Variants in ADNP2 observed in about 807,000 individuals in gnomAD.
ADNP2 encodes the protein ADNP homeobox 2.
In ADNP2, 8 loss-of-function variants were observed where a neutral mutation model predicts 16.4. The observed-to-expected ratio is 0.49, with a 90% confidence interval of 0.29 to 0.88. The LOEUF (loss-of-function observed/expected upper bound fraction) is 0.88. Ranked by LOEUF, ADNP2 falls within the 40% of genes least tolerant of loss-of-function variation. The pLI, the probability that ADNP2 is intolerant of heterozygous loss-of-function variation, is 0.09. For synonymous variants in ADNP2, 637 were observed against 545.8 expected, an observed-to-expected ratio of 1.17 and a Z score of -2.33; for missense variants, 1,397 against 1,395.1, an observed-to-expected ratio of 1.00 and a Z score of -0.02.
Position 80,136,014 on chromosome 18 carries a change from A to C in ADNP2, c.601A>C (p.Asn201His), listed in dbSNP as rs758595034. ...GGAAATGGGTGAGCAACCGAAAACT[A>C]ACGATACTGTTTCTATAGAGAAGAT... ...TEEMGEQPKTNDTVSIEKIPP... is the reference protein window; with the variant it reads ...TEEMGEQPKTHDTVSIEKIPP... The change falls in exon 4 of 4, where the codon AAC becomes CAC. Residue 201 changes from asparagine (N) to histidine (H), a missense_variant. Physicochemically the swap from Asn to His is moderately conservative, Grantham distance 68. This residue lies in a region of ADNP2 where 777 missense variants were observed against 719.4 expected (regional missense o/e 1.08). Transcript: ENST00000262198. 6.2e-7 allele frequency: 1 copy of C among 1,614,250 alleles called. No individual in the cohort carries two copies. The highest frequency in any genetic ancestry group is 8.5e-7 in the Non-Finnish European group (1 of 1,180,036).
intron 3 of ADNP2, among the ~76,000 whole-genome samples, chr18:80,134,124 A>T (rs2052515943): frequency 1.3e-5 from 2 of 152,098 alleles, no homozygotes; most frequent in Admixed American, 1.3e-4. Flanking sequence ...GTTCTCCTCC[A>T]CCTGAGCACA....
At position 80,138,321 on chromosome 18, in the gene ADNP2, C is replaced by G. The variant is rs994411076; in HGVS notation, c.2908C>G (p.His970Asp). Residue 970 changes from histidine to aspartate, a missense_variant, in exon 4 of 4, where the codon CAT (histidine) becomes GAT (aspartate). His to Asp is a moderately conservative substitution (Grantham distance 81). This residue lies in a region of ADNP2 where 611 missense variants were observed against 648.7 expected (regional missense o/e 0.94). Coordinates refer to ENST00000262198, the MANE Select transcript of ADNP2 (RefSeq NM_014913.4). ...ELLLVSGEVM[H>D]DSSFSVKRKL... ...GCTTTTAGTCAGTGGTGAAGTGATG[C>G]ATGATTCCAGTTTTTCTGTTAAGAG... The G allele has an allele frequency of 6.8e-6, 11 of 1,614,136 alleles. No homozygotes were observed. The highest frequency in any genetic ancestry group is 8.5e-6 in the Non-Finnish European group (10 of 1,180,042).
chr18:80,119,280 A>G (rs2052409097), intron 2 of ADNP2, among the ~76,000 whole-genome samples: 1 of 151,986 alleles, frequency 6.6e-6, no homozygotes. Flanking sequence ...AATTTACACA[A>G]AAGGAGATTT....
At chr18:80,135,077 T>C (rs1042042829) in intron 3 of ADNP2, among the ~76,000 whole-genome samples, 3 of 152,156 alleles carry the variant, frequency 2.0e-5, no homozygotes, top group African/African-American at 4.8e-5. Context: ...AATGAAGCTT[T>C]TAAAATTGAT....
intron 2 of ADNP2, among the ~76,000 whole-genome samples, chr18:80,121,123 A>G (rs1238706197): frequency 6.6e-6 from 1 of 152,184 alleles, no homozygotes; most frequent in Non-Finnish European, 1.5e-5. Flanking sequence ...AAATCTGTTC[A>G]CATCATTACC....
At chr18:80,120,158 G>C (rs751899081) in intron 2 of ADNP2, among the ~76,000 whole-genome samples, 1 of 152,130 alleles carries the variant, frequency 6.6e-6, no homozygotes, top group African/African-American at 2.4e-5. Flanking sequence ...CGAGCCCTTG[G>C]CATATGCTCC....
rs1393479988 is a variant in ADNP2, at chr18:80,135,779, G to T, written c.366G>T (p.Arg122Ser). The T allele has an allele frequency of 2.5e-6, 4 of 1,614,202 alleles. No individual in the cohort carries two copies. The highest frequency in any genetic ancestry group is 3.4e-6 in the Non-Finnish European group (4 of 1,180,046). ...VFASQPKVVGRHFRMFHAPVR... is the reference protein window; with the variant it reads ...VFASQPKVVGSHFRMFHAPVR... ...CATCTCAGCCCAAAGTTGTGGGAAG[G>T]CACTTCAGAATGTTCCATGCACCTG... is the stretch of plus-strand genomic sequence containing the variant. The change falls in exon 4 of 4, where the codon AGG (arginine) becomes AGT (serine). Residue 122 changes from arginine (R) to serine (S), a missense_variant. Coordinates refer to ENST00000262198, the MANE Select transcript of ADNP2 (RefSeq NM_014913.4).
intron 2 of ADNP2, among the ~76,000 whole-genome samples, chr18:80,128,687 TG>T (rs1387357104): frequency 1.3e-5 from 2 of 152,164 alleles, no homozygotes; most frequent in South Asian, 4.1e-4. Flanking sequence ...AAGAAATATT[TG>T]TAATAACTTG....
At chr18:80,120,864 A>G (rs2052420161) in intron 2 of ADNP2, among the ~76,000 whole-genome samples, 3 of 152,160 alleles carry the variant, frequency 2.0e-5, no homozygotes. Flanking sequence ...CATGTTGGCC[A>G]GGATAGTCTC....
chr18:80,124,718 C>T (rs1395081581), intron 2 of ADNP2, among the ~76,000 whole-genome samples: 1 of 152,174 alleles, frequency 6.6e-6, no homozygotes, highest in Non-Finnish European at 1.5e-5. Flanking sequence ...CTAAACTTGC[C>T]TTGGTGATAA....
At chr18:80,132,692 C>T (rs1010081656) in intron 2 of ADNP2, among the ~76,000 whole-genome samples, 18 of 147,386 alleles carry the variant, frequency 1.2e-4, no homozygotes, top group Non-Finnish European at 2.4e-4. Flanking sequence ...TCTCTCCTCT[C>T]CCCTCCCCTC....
At chr18:80,122,371 C>G (rs2052430465) in intron 2 of ADNP2, among the ~76,000 whole-genome samples, 1 of 152,140 alleles carries the variant, frequency 6.6e-6, no homozygotes, top group African/African-American at 2.4e-5. Flanking sequence ...ATAGACTTTT[C>G]CATTTCTGCA....
chr18:80,128,380 G>A (rs557609830), intron 2 of ADNP2, among the ~76,000 whole-genome samples: 6 of 152,266 alleles, frequency 3.9e-5, no homozygotes, highest in Admixed American at 1.3e-4. Flanking sequence ...GGCCAGGTGC[G>A]GTGGCTCATA....
Position 80,137,900 on chromosome 18 carries a change from G to A in ADNP2, c.2487G>A (p.Leu829=). The stretch of plus-strand genomic sequence containing the variant: ...CCCACCTTGATTTCATCACCATATT[G>A]CCAAAGGAGAAGCTTGGGGAGCGGG... ...LFPHLDFITI[L]PKEKLGEREV... is the part of the protein sequence containing the mutation. Residue 829 remains leucine, a synonymous_variant, in exon 4 of 4, where the codon TTG becomes TTA. Coordinates refer to ENST00000262198, the MANE Select transcript of ADNP2 (RefSeq NM_014913.4). The surrounding 1 kb of genome is among the most constrained non-coding windows in gnomAD (Gnocchi z 4.2). 6.2e-7 allele frequency: 1 copy of A among 1,613,900 alleles called. No homozygotes were observed. The highest frequency in any genetic ancestry group is 8.5e-7 in the Non-Finnish European group (1 of 1,180,024).
rs767953359 is a variant in ADNP2 at position 80,137,720 on chromosome 18, C to T, written c.2307C>T (p.Gly769=). 1 of 1,614,162 alleles carries T rather than the reference C, an allele frequency of 6.2e-7. No individual in the cohort carries two copies. The highest frequency in any genetic ancestry group is 8.5e-7 in the Non-Finnish European group (1 of 1,180,040). ...EELIHHLLMH[G]LGCLFCPCTF... ...TTATACACCACTTGCTGATGCATGGCTTGGGGTGCTTGTTCTGTCCATGCA... is the reference window on the plus strand; with the variant it reads ...TTATACACCACTTGCTGATGCATGGTTTGGGGTGCTTGTTCTGTCCATGCA... The change falls in exon 4 of 4, where the codon GGC becomes GGT. Residue 769 remains glycine (G), a synonymous_variant. Transcript: ENST00000262198. This position sits in a 1 kb window ranked among gnomAD's most constrained non-coding sequence, Gnocchi z 4.2.
intron 2 of ADNP2, among the ~76,000 whole-genome samples, chr18:80,125,810 C>A (rs984304681): frequency 2.6e-5 from 4 of 151,832 alleles, no homozygotes; most frequent in African/African-American, 2.4e-5. Context: ...GACACTGTCT[C>A]AAAAAAAATT....
intron 2 of ADNP2, among the ~76,000 whole-genome samples, chr18:80,124,021 C>T (rs1028412440): frequency 4.6e-5 from 7 of 152,204 alleles, no homozygotes; most frequent in Non-Finnish European, 7.3e-5. Context: ...TGAGCCAGCA[C>T]GCTCAGCCTT....
rs1427726663 is a variant in ADNP2, at chr18:80,136,960, C to T, written c.1547C>T (p.Pro516Leu). 2.5e-6 allele frequency: 4 copies of T among 1,613,774 alleles called. No homozygotes were observed. The highest frequency in any genetic ancestry group is 2.2e-5 in the East Asian group (1 of 44,880). The change falls in exon 4 of 4, where the codon CCG (proline) becomes CTG (leucine). Residue 516 changes from proline to leucine, a missense_variant. By Grantham distance (98) the Pro-to-Leu change is moderately conservative (BLOSUM62 -3). Coordinates refer to ENST00000262198, the MANE Select transcript of ADNP2 (RefSeq NM_014913.4). ...GTTATCTCTGCAGGCCAGGTGGTCC[C>T]GTCTGGGCTTCTTTCTCCCAACCAG... ...LRVISAGQVV[P>L]SGLLSPNQTV... is the part of the protein sequence containing the mutation.
chr18:80,126,998 GCCA>G (rs2052463347), intron 2 of ADNP2, among the ~76,000 whole-genome samples: 1 of 152,300 alleles, frequency 6.6e-6, no homozygotes, highest in East Asian at 1.9e-4. Flanking sequence ...GTCATCGCAT[GCCA>G]CCACAAGAAG....
Sources: gnomAD v4.1 joint callset for allele counts (sites outside exome capture counted in the v4.1 genomes callset) on GRCh38, gnomAD v4.1.1 for gene constraint, gnomAD v4.1.1 regional missense constraint, Gnocchi (gnomAD v3.1) non-coding constraint, MANE v1.5 for transcripts, NCBI Gene and HGNC (gene_info 2026-07-23, HGNC 2026-07-21) for gene names.